TEAD1: variants seen among roughly 807,000 people sequenced by gnomAD.
The protein encoded by TEAD1 is transcriptional enhancer factor TEF-1.
Under a neutral mutation model 54.9 loss-of-function variants are expected in TEAD1, and 9 were observed. The observed-to-expected ratio is 0.16, with a 90% confidence interval of 0.10 to 0.29. TEAD1 has a LOEUF of 0.29. Ranked by LOEUF, TEAD1 falls within the 10% of genes least tolerant of loss-of-function variation. The probability of loss-of-function intolerance (pLI) is 1.00; values close to 1 mark genes in which losing one functional copy is unlikely to be tolerated. For synonymous variants in TEAD1, 200 were observed against 187.8 expected (o/e 1.07, Z -0.53); for missense variants, 387 against 535.9 (o/e 0.72, Z 2.74).
rs1020106196 is a variant in TEAD1 at position 12,674,433 on chromosome 11, C to G, written c.-609C>G. Among the ~76,000 whole-genome samples, 1 of 150,598 alleles carries G rather than the reference C, an allele frequency of 6.6e-6. No homozygotes were observed. Among genetic ancestry groups the G allele is most frequent in the Admixed American group, 6.6e-5 (1 of 15,136 alleles). On this transcript the variant is annotated 5_prime_UTR_variant, in exon 1 of 13. Transcript: ENST00000527636. The stretch of plus-strand genomic sequence containing the variant: ...CATTCCTGTCCTCATTCCGAACATT[C>G]TTAGCATCGCTCGCGCCGCGCCGCG...
chr11:12,892,700 G>A (rs1047257412), intron 9 of TEAD1, among the ~76,000 whole-genome samples: 1 of 152,106 alleles, frequency 6.6e-6, no homozygotes, highest in South Asian at 2.1e-4. Flanking sequence ...TTTAATTCCC[G>A]ATTGCCAGGA....
In TEAD1 at chr11:12,916,519, CTG is replaced by C. The variant is rs370376751; in HGVS notation, c.874-8390_874-8389del. On this transcript the variant is annotated intron_variant, in intron 10 of 12. Coordinates refer to ENST00000527636, the MANE Select transcript of TEAD1 (RefSeq NM_021961.6). Reference sequence around the variant, plus strand: ...GAGTGATGATAGGTATTGTTAATGACTGTGAATTTTATAGTACATTATAGATT... The same window carrying C: ...GAGTGATGATAGGTATTGTTAATGACTGAATTTTATAGTACATTATAGATT... 7.9e-5 allele frequency among the ~76,000 whole-genome samples: 12 copies of C among 152,304 alleles called. No homozygotes were observed. The South Asian group carries it at 2.3e-3, about 29-fold the overall frequency.
intron 3 of TEAD1, among the ~76,000 whole-genome samples, chr11:12,771,151 G>A (rs1945303414): frequency 6.6e-6 from 1 of 152,208 alleles, no homozygotes; most frequent in Non-Finnish European, 1.5e-5. Context: ...TGGAGGCCTG[G>A]AAGGGCACAG....
intron 2 of TEAD1, among the ~76,000 whole-genome samples, chr11:12,716,685 G>A (rs960253640): frequency 6.6e-6 from 1 of 152,216 alleles, no homozygotes; most frequent in African/African-American, 2.4e-5. Context: ...ATGTGGCTAT[G>A]TTCCAGTAAA....
intron 3 of TEAD1, among the ~76,000 whole-genome samples, chr11:12,833,878 G>T (rs1413521940): frequency 6.6e-6 from 1 of 152,070 alleles, no homozygotes; most frequent in African/African-American, 2.4e-5. Context: ...CAAATTAGCT[G>T]CCCCCTCCTT....
At chr11:12,706,994 C>T (rs1199255863) in intron 2 of TEAD1, among the ~76,000 whole-genome samples, 1 of 152,124 alleles carries the variant, frequency 6.6e-6, no homozygotes, top group Non-Finnish European at 1.5e-5. Context: ...CTGTTTTACC[C>T]TCGTATGTCT....
intron 10 of TEAD1, among the ~76,000 whole-genome samples, chr11:12,918,026 T>C (rs560581532): frequency 2.0e-5 from 3 of 152,340 alleles, no homozygotes; most frequent in East Asian, 1.9e-4. Context: ...AGGTAAAAGC[T>C]GATTAGGCAG....
rs773862487 is a variant in TEAD1 at position 12,805,407 on chromosome 11, T to G, written c.202+40973T>G. The stretch of plus-strand genomic sequence containing the variant: ...AAGTCTTCAGAATCACAGCACAGGT[T>G]CAATTCACTGTGGTTGTTATGTCAT... On this transcript the variant is annotated intron_variant, in intron 3 of 12. Transcript: ENST00000527636. 4.7e-4 allele frequency among the ~76,000 whole-genome samples: 71 copies of G among 152,226 alleles called. 1 individual carries two copies. The highest frequency in any genetic ancestry group is 9.0e-4 in the Non-Finnish European group (61 of 68,030).
chr11:12,829,906 T>G (rs1411766366), intron 3 of TEAD1, among the ~76,000 whole-genome samples: 1 of 152,148 alleles, frequency 6.6e-6, no homozygotes, highest in Non-Finnish European at 1.5e-5. Context: ...TTTACATGTA[T>G]GGGTTGGGTA....
chr11:12,717,878 C>T (rs1159530226), intron 2 of TEAD1, among the ~76,000 whole-genome samples: 2 of 152,232 alleles, frequency 1.3e-5, no homozygotes, highest in African/African-American at 4.8e-5. Context: ...TTCACCTTGC[C>T]ATTTACTGGG....
chr11:12,694,239 G>C (rs1260483964), intron 2 of TEAD1, among the ~76,000 whole-genome samples: 3 of 152,162 alleles, frequency 2.0e-5, no homozygotes, highest in Non-Finnish European at 4.4e-5. Flanking sequence ...CATATGTATA[G>C]TTGAAGTATC....
chr11:12,822,378 A>T (rs1485276128), intron 3 of TEAD1: 2 of 152,230 alleles, frequency 1.3e-5, no homozygotes, highest in African/African-American at 4.8e-5. Context: ...ATTTTGAAGG[A>T]ACCATTGCAT....
At chr11:12,704,648 G>T (rs1247869948) in intron 2 of TEAD1, among the ~76,000 whole-genome samples, 2 of 152,176 alleles carry the variant, frequency 1.3e-5, no homozygotes, top group Non-Finnish European at 2.9e-5. Flanking sequence ...TGTCGTCTGC[G>T]TGTTGGATTT....
At position 12,834,616 on chromosome 11, in the gene TEAD1, G is replaced by A. The variant is rs187003091; in HGVS notation, c.203-27634G>A. Among the ~76,000 whole-genome samples the A allele has an allele frequency of 2.7e-4, 41 of 151,746 alleles. No homozygotes were observed. In the East Asian group the frequency reaches 4.2e-3, roughly 16 times the overall value. On this transcript the variant is annotated intron_variant, in intron 3 of 12. Coordinates refer to ENST00000527636, the MANE Select transcript of TEAD1 (RefSeq NM_021961.6). ...CTGTTACCAATTAAAGATATTTTTTGTTTGTTTGTTTGTGTGTTGTTTTCT... is the reference window on the plus strand; with the variant it reads ...CTGTTACCAATTAAAGATATTTTTTATTTGTTTGTTTGTGTGTTGTTTTCT...
At chr11:12,692,232 C>G (rs1259306548) in intron 2 of TEAD1, among the ~76,000 whole-genome samples, 1 of 152,204 alleles carries the variant, frequency 6.6e-6, no homozygotes. Flanking sequence ...AACCACCCCC[C>G]AGTCCCCCCA....
In TEAD1 at chr11:12,831,797, T is replaced by A. The variant is rs1049174308; in HGVS notation, c.203-30453T>A. On this transcript the variant is annotated intron_variant, in intron 3 of 12. Transcript: ENST00000527636. Reference sequence around the variant, plus strand: ...CGCTGTCTCAAAAAAAAAAAAAAAATGTAGAGTCTCAGTTTGCCTATAATA... The same window carrying A: ...CGCTGTCTCAAAAAAAAAAAAAAAAAGTAGAGTCTCAGTTTGCCTATAATA... 4.7e-5 allele frequency among the ~76,000 whole-genome samples: 7 copies of A among 149,778 alleles called. No homozygotes were observed. The East Asian group carries it at 9.7e-4, about 21-fold the overall frequency.
chr11:12,679,399 T>G (rs1443373318), intron 2 of TEAD1, among the ~76,000 whole-genome samples: 1 of 152,252 alleles, frequency 6.6e-6, no homozygotes, highest in African/African-American at 2.4e-5. Flanking sequence ...AGCTGGCTTA[T>G]TGATGAACAA....
intron 3 of TEAD1, among the ~76,000 whole-genome samples, chr11:12,810,888 C>T (rs900009242): frequency 6.6e-5 from 10 of 152,162 alleles, no homozygotes; most frequent in Admixed American, 1.3e-4. Flanking sequence ...GAGATGGTTG[C>T]TTTCATCTCA....
intron 2 of TEAD1, among the ~76,000 whole-genome samples, chr11:12,691,290 T>A (rs550409310): frequency 7.1e-4 from 108 of 152,312 alleles, no homozygotes; most frequent in African/African-American, 2.6e-3. Flanking sequence ...TGTGACCCTA[T>A]TAATAGTCTT....
Sources: gnomAD v4.1 joint callset for allele counts (sites outside exome capture counted in the v4.1 genomes callset) on GRCh38, gnomAD v4.1.1 for gene constraint, MANE v1.5 for transcripts, NCBI Gene and HGNC (gene_info 2026-07-23, HGNC 2026-07-21) for gene names.